The following FLNB variants were observed in gnomAD, a reference collection of about 807,000 sequenced individuals.
FLNB encodes filamin-B.
FLNB carries 111 observed loss-of-function variants against 250.6 expected under a neutral mutation model. The observed-to-expected ratio is 0.44, with a 90% CI of 0.38 to 0.52. The LOEUF (loss-of-function observed/expected upper bound fraction) is 0.52, where lower values mean the gene tolerates loss of function less well. FLNB is among the 20% of genes least tolerant of loss of function. The probability of loss-of-function intolerance (pLI) is 0.00; values close to 1 mark genes in which losing one functional copy is unlikely to be tolerated. For missense variants in FLNB, 2,869 were observed against 3,447.8 expected, an observed-to-expected ratio of 0.83 and a Z score of 4.20; for synonymous variants, 1,302 against 1,372.1, an observed-to-expected ratio of 0.95 and a Z score of 1.13.
intron 16 of FLNB, among the ~76,000 whole-genome samples, chr3:58,111,175 T>C (rs564419001): frequency 6.6e-6 from 1 of 152,202 alleles, no homozygotes; most frequent in South Asian, 2.1e-4. Context: ...AGAGAGGTGA[T>C]TTGAAGTTTC....
chr3:58,157,135 A>C (rs2097354615), intron 41 of FLNB, among the ~76,000 whole-genome samples: 1 of 152,230 alleles, frequency 6.6e-6, no homozygotes, highest in African/African-American at 2.4e-5. Flanking sequence ...TCAAGGTTGT[A>C]CTAGCACCTT....
chr3:58,024,705 T>A (rs956054788), intron 1 of FLNB, among the ~76,000 whole-genome samples: 2 of 104,160 alleles, frequency 1.9e-5, no homozygotes, highest in African/African-American at 1.2e-4. Flanking sequence ...AGCCTCCTTT[T>A]TTTTTTTTTT....
chr3:58,163,422 A>G (rs1030627349), intron 43 of FLNB, 92 bp downstream of exon 43: 1 of 1,339,766 alleles, frequency 7.5e-7, no homozygotes, highest in African/African-American at 1.4e-5. Flanking sequence ...AAAGCTTTTT[A>G]CACGTACTCC....
At chr3:58,130,129 T>C (rs2097304505) in intron 24 of FLNB, among the ~76,000 whole-genome samples, 1 of 151,830 alleles carries the variant, frequency 6.6e-6, no homozygotes. Context: ...GCCAGCTGCA[T>C]TGGAGGGAGA....
At chr3:58,148,386 G>A (rs1053161219) in intron 35 of FLNB, 22 bp downstream of exon 35, 3 of 1,609,864 alleles carry the variant, frequency 1.9e-6, no homozygotes, top group Non-Finnish European at 1.7e-6. Flanking sequence ...TACCCTTCCT[G>A]GCTGGAGCCA....
chr3:58,031,843 T>C (rs56886540), intron 1 of FLNB, among the ~76,000 whole-genome samples: 4,545 of 151,756 alleles, frequency 0.03, 218 homozygotes, highest in African/African-American at 0.1. Flanking sequence ...TGCACCCCCA[T>C]CCAAAAGTGT....
intron 3 of FLNB, among the ~76,000 whole-genome samples, chr3:58,079,308 A>C (rs1002042740): frequency 1.3e-5 from 2 of 149,512 alleles, no homozygotes; most frequent in African/African-American, 5.0e-5. Context: ...GCTGGAGTGC[A>C]GTGGTGTGAT....
At position 58,096,225 on chromosome 3, in the gene FLNB, T is replaced by G; in HGVS notation, c.984+7T>G. On this transcript the variant is annotated splice_region_variant and intron_variant, in intron 6 of 45. Transcript: ENST00000295956. ...GGTCACCGGGCTACACAAAGTAAGATGAAGCAGCATGGCTGTGGCTTGGGC... is the reference window on the plus strand; with the variant it reads ...GGTCACCGGGCTACACAAAGTAAGAGGAAGCAGCATGGCTGTGGCTTGGGC... The G allele has an allele frequency of 1.9e-6, 3 of 1,608,360 alleles. No individual in the cohort carries two copies. The highest frequency in any genetic ancestry group is 2.6e-6 in the Non-Finnish European group (3 of 1,174,896).
At chr3:58,068,817 G>A (rs1295738941) in intron 1 of FLNB, among the ~76,000 whole-genome samples, 1 of 152,098 alleles carries the variant, frequency 6.6e-6, no homozygotes, top group East Asian at 1.9e-4. Flanking sequence ...AAGACGGACA[G>A]GATCTATTCT....
intron 22 of FLNB, among the ~76,000 whole-genome samples, chr3:58,124,816 G>A (rs1337402175): frequency 6.7e-6 from 1 of 149,912 alleles, no homozygotes; most frequent in African/African-American, 2.5e-5. Context: ...TGAGTATTAG[G>A]AATTATAAAA....
rs572257596 is a variant in FLNB, at chr3:58,149,983, C to T, written c.6225C>T (p.Phe2075=). 1.5e-5 allele frequency: 25 copies of T among 1,614,262 alleles called. No individual in the cohort carries two copies. Among genetic ancestry groups the T allele is most frequent in the South Asian group, 6.6e-5 (6 of 91,088 alleles). The change falls in exon 37 of 46, where the codon TTC becomes TTT. Residue 2075 remains phenylalanine (F), a synonymous_variant. Transcript: ENST00000295956. ...VPGVYIVSTK[F]ADEHVPGSPF... Reference sequence around the variant, plus strand: ...GGGTTTATATCGTCTCCACCAAATTCGCTGACGAGCACGTGCCTGGTATGT... The same window carrying T: ...GGGTTTATATCGTCTCCACCAAATTTGCTGACGAGCACGTGCCTGGTATGT...
At chr3:58,019,156 T>G (rs564875179) in intron 1 of FLNB, among the ~76,000 whole-genome samples, 36 of 152,102 alleles carry the variant, frequency 2.4e-4, no homozygotes, top group Middle Eastern at 3.4e-3. Context: ...AAATTGCTAT[T>G]GTCACAATTA....
chr3:58,097,138 C>A (rs1251557823), intron 6 of FLNB, among the ~76,000 whole-genome samples: 1 of 152,132 alleles, frequency 6.6e-6, no homozygotes, highest in South Asian at 2.1e-4. Flanking sequence ...ATGTACCTGC[C>A]CAGACTTTGG....
Position 58,153,557 on chromosome 3 carries a change from A to C in FLNB, c.6550A>C (p.Thr2184Pro). The change falls in exon 39 of 46, where the codon ACC (threonine) becomes CCC (proline). Residue 2184 changes from threonine to proline, a missense_variant. Transcript: ENST00000295956. ...CGTCACCGGCAGCCCCTTCCAGTTC[A>C]CCGTGGGGCCACTTGGTGAAGGAGG... ...QHVTGSPFQFTVGPLGEGGAH... is the reference protein window; with the variant it reads ...QHVTGSPFQFPVGPLGEGGAH... The C allele has an allele frequency of 6.2e-7, 1 of 1,614,076 alleles. No individual in the cohort carries two copies. The highest frequency in any genetic ancestry group is 8.5e-7 in the Non-Finnish European group (1 of 1,180,028).
At chr3:58,141,721 G>C in intron 29 of FLNB, 137 bp from the exon 30 acceptor site, 1 of 837,936 alleles carries the variant, frequency 1.2e-6, no homozygotes, top group Non-Finnish European at 2.0e-6. Flanking sequence ...AGGGCAGTAA[G>C]AAAGTGTCCT....
intron 1 of FLNB, among the ~76,000 whole-genome samples, chr3:58,050,742 G>A (rs2097161052): frequency 6.6e-6 from 1 of 152,208 alleles, no homozygotes; most frequent in Non-Finnish European, 1.5e-5. Flanking sequence ...CCAGATTGGT[G>A]CACTGGGTAG....
rs745580850 is a variant in FLNB, at chr3:58,132,977, G to GTCCACCCATCCATTCCTCCATCAGTCCA, written c.4514+58_4514+85dup. On this transcript the variant is annotated intron_variant, in intron 26 of 45. Coordinates refer to ENST00000295956, the MANE Select transcript of FLNB (RefSeq NM_001457.4). The stretch of plus-strand genomic sequence containing the variant: ...CATCCATTCCTCCATCAGTCTATCT[G>GTCCACCCATCCATTCCTCCATCAGTCCA]TCCACCCATCCATTCCTCCATCAGT... 9.5e-6 allele frequency: 15 copies of GTCCACCCATCCATTCCTCCATCAGTCCA among 1,580,450 alleles called. No homozygotes were observed. In the African/African-American group the frequency reaches 1.8e-4, roughly 19 times the overall value.
At position 58,164,996 on chromosome 3, in the gene FLNB, T is replaced by A. The variant is rs1286538763; in HGVS notation, c.7198+1666T>A. 6.6e-6 allele frequency: 1 copy of A among 152,280 alleles called. No homozygotes were observed. Among genetic ancestry groups the A allele is most frequent in the African/African-American group, 2.4e-5 (1 of 41,448 alleles). The allele number at this position is 152,280 out of a possible 1,614,324, so 9.4% of individuals were successfully genotyped here. A position where few individuals can be genotyped will look rare whatever the true frequency, so the allele number is the denominator to read the frequency against. Reference sequence around the variant, plus strand: ...GCATCCCCAGCCCACTTTGGGGATGTCCTAAACCAGGACCCCTGTCCTCCC... The same window carrying A: ...GCATCCCCAGCCCACTTTGGGGATGACCTAAACCAGGACCCCTGTCCTCCC... On this transcript the variant is annotated intron_variant, in intron 43 of 45. Transcript: ENST00000295956. This position sits in a 1 kb window ranked among gnomAD's most constrained non-coding sequence, Gnocchi z 4.0.
At position 58,037,058 on chromosome 3, in the gene FLNB, C is replaced by CTT. The variant is rs549716136; in HGVS notation, c.292+28227_292+28228dup. Among the ~76,000 whole-genome samples, 110 of 103,606 alleles carry CTT rather than the reference C, an allele frequency of 1.1e-3. 4 individuals are homozygous for CTT. The highest frequency in any genetic ancestry group is 1.6e-3 in the Non-Finnish European group (80 of 49,396). 68.0% of individuals were successfully genotyped at this position (103,606 alleles called of 152,430 possible). The stretch of plus-strand genomic sequence containing the variant: ...CTGGGCCCAGACTTGACATTAGAGT[C>CTT]TTTTTTTTTTTTTTTTTTTTTTTTT... On this transcript the variant is annotated intron_variant, in intron 1 of 45. Transcript: ENST00000295956.
Sources: allele counts gnomAD v4.1 joint callset (sites outside exome capture counted in the v4.1 genomes callset), GRCh38; gene constraint gnomAD v4.1.1; non-coding constraint Gnocchi (gnomAD v3.1); transcripts MANE v1.5; gene names NCBI Gene and HGNC (gene_info 2026-07-23, HGNC 2026-07-21).